Variants in KCNH1 observed in about 807,000 individuals in gnomAD.
KCNH1 encodes the protein voltage-gated delayed rectifier potassium channel KCNH1.
Under a neutral mutation model 69.2 loss-of-function variants are expected in KCNH1, and 27 were observed. The observed-to-expected ratio is 0.39, with a 90% confidence interval of 0.29 to 0.54. The LOEUF is 0.54. Ranked by LOEUF, KCNH1 falls within the 20% of genes least tolerant of loss-of-function variation. The pLI, the probability that KCNH1 is intolerant of heterozygous loss-of-function variation, is 0.68. For missense variants in KCNH1, 798 were observed against 1,261.6 expected, an observed-to-expected ratio of 0.63 and a Z score of 5.57; for synonymous variants, 456 against 487.7, an observed-to-expected ratio of 0.93 and a Z score of 0.86.
chr1:210,791,193 A>G (rs1684204839), intron 9 of KCNH1, among the ~76,000 whole-genome samples: 1 of 152,154 alleles, frequency 6.6e-6, no homozygotes, highest in African/African-American at 2.4e-5. Context: ...TAATGTAATA[A>G]AAGGTCTCCC....
At chr1:210,734,281 A>G (rs1682817839) in intron 10 of KCNH1, among the ~76,000 whole-genome samples, 1 of 152,140 alleles carries the variant, frequency 6.6e-6, no homozygotes, top group Non-Finnish European at 1.5e-5. Context: ...TTCCCTCAAC[A>G]AGTCCCACCT....
intron 10 of KCNH1, among the ~76,000 whole-genome samples, chr1:210,738,404 A>C (rs1452252988): frequency 6.6e-6 from 1 of 152,158 alleles, no homozygotes; most frequent in Non-Finnish European, 1.5e-5. Context: ...AATGTAGCTA[A>C]AGCTGGGCAC....
intron 1 of KCNH1, among the ~76,000 whole-genome samples, chr1:211,114,166 C>T (rs976170768): frequency 3.3e-5 from 5 of 152,074 alleles, no homozygotes; most frequent in African/African-American, 1.2e-4. Context: ...GGACCATTGC[C>T]AGAGACCCAA....
At chr1:211,131,942 T>C (rs1428294175) in intron 1 of KCNH1, among the ~76,000 whole-genome samples, 2 of 152,342 alleles carry the variant, frequency 1.3e-5, no homozygotes, top group East Asian at 3.9e-4. Flanking sequence ...TCTATTCACA[T>C]TCTATGATTA....
chr1:210,747,941 C>A (rs536801885), intron 10 of KCNH1, among the ~76,000 whole-genome samples: 28 of 152,328 alleles, frequency 1.8e-4, no homozygotes, highest in African/African-American at 6.5e-4. Flanking sequence ...TGACAGGGAA[C>A]AAATGAGTAG....
At chr1:211,066,404 G>A (rs984905343) in intron 5 of KCNH1, among the ~76,000 whole-genome samples, 5 of 152,088 alleles carry the variant, frequency 3.3e-5, no homozygotes, top group Non-Finnish European at 4.4e-5. Context: ...TGGAACCCAA[G>A]TCTAAACAAA....
At chr1:211,106,672 G>A (rs917720436) in intron 2 of KCNH1, among the ~76,000 whole-genome samples, 2 of 151,210 alleles carry the variant, frequency 1.3e-5, no homozygotes, top group African/African-American at 4.9e-5. Context: ...GCACGTGCCT[G>A]TAATCCCAGC....
chr1:210,884,565 G>T (rs1686563537), intron 7 of KCNH1, among the ~76,000 whole-genome samples: 1 of 152,180 alleles, frequency 6.6e-6, no homozygotes. Context: ...ATCCTAGAAT[G>T]ATCTTTCCTC....
chr1:210,718,037 G>T (rs12048061), intron 10 of KCNH1, among the ~76,000 whole-genome samples: 25,639 of 151,670 alleles, frequency 0.17, 2,891 homozygotes, highest in African/African-American at 0.32. Flanking sequence ...AACCCAGGAG[G>T]TGGCGGTTGC....
intron 6 of KCNH1, among the ~76,000 whole-genome samples, chr1:210,939,511 T>C (rs956712590): frequency 6.6e-5 from 10 of 152,148 alleles, no homozygotes; most frequent in Middle Eastern, 3.2e-3. Flanking sequence ...TGAGGCAGGA[T>C]TGGCATTTGT....
intron 10 of KCNH1, among the ~76,000 whole-genome samples, chr1:210,710,763 G>A (rs1310128792): frequency 1.6e-5 from 2 of 124,542 alleles, no homozygotes; most frequent in Admixed American, 7.7e-5. Flanking sequence ...TACCACACCC[G>A]CTGCTCTGCA....
In KCNH1 at chr1:210,903,095, C is replaced by T. The variant is rs527367975; in HGVS notation, c.1462+16545G>A. Among the ~76,000 whole-genome samples, 304 of 150,274 alleles carry T rather than the reference C, an allele frequency of 2.0e-3. 2 individuals carry two copies. Among genetic ancestry groups the T allele is most frequent in the African/African-American group, 7.0e-3 (290 of 41,480 alleles). ...ATGCACTGGGTTCTCTGGTCTGCCT[C>T]CATGCCCTGCCATCTCTCTTTTTTT... On this transcript the variant is annotated intron_variant, in intron 7 of 10. Coordinates refer to ENST00000271751, the MANE Select transcript of KCNH1 (RefSeq NM_172362.3).
intron 10 of KCNH1, among the ~76,000 whole-genome samples, chr1:210,688,119 C>T (rs1681445566): frequency 6.6e-6 from 1 of 152,188 alleles, no homozygotes; most frequent in South Asian, 2.1e-4. Flanking sequence ...GCTAATGTGC[C>T]TTACGAATGT....
At chr1:210,970,098 T>C (rs894705230) in intron 6 of KCNH1, among the ~76,000 whole-genome samples, 1 of 151,916 alleles carries the variant, frequency 6.6e-6, no homozygotes, top group Non-Finnish European at 1.5e-5. Flanking sequence ...TTTCTCCTGC[T>C]TTTATTTTTT....
At chr1:210,701,363 A>G (rs1352391910) in intron 10 of KCNH1, among the ~76,000 whole-genome samples, 1 of 152,174 alleles carries the variant, frequency 6.6e-6, no homozygotes, top group South Asian at 2.1e-4. Context: ...CTGAGCCACC[A>G]TGCCTGGCTT....
chr1:210,926,415 G>A (rs773684048), intron 6 of KCNH1, among the ~76,000 whole-genome samples: 7 of 152,142 alleles, frequency 4.6e-5, no homozygotes, highest in Non-Finnish European at 8.8e-5. Context: ...TCCCCAGTAT[G>A]ATCCGGAGCC....
chr1:210,832,903 A>AATATATATATATATATATAT (rs1182447741), intron 7 of KCNH1, among the ~76,000 whole-genome samples: 2 of 39,010 alleles, frequency 5.1e-5, no homozygotes, highest in Admixed American at 2.0e-4. Flanking sequence ...GCATTTCTCA[A>AATATATATATATATATATAT]ATACATATAT....
intron 7 of KCNH1, among the ~76,000 whole-genome samples, chr1:210,842,108 G>C (rs968096946): frequency 3.3e-5 from 5 of 152,070 alleles, no homozygotes; most frequent in Non-Finnish European, 7.4e-5. Context: ...TTGCAAATTT[G>C]GCTTTGTCCC....
chr1:210,905,847 T>A (rs1386382076), intron 7 of KCNH1, among the ~76,000 whole-genome samples: 2 of 152,162 alleles, frequency 1.3e-5, no homozygotes, highest in Non-Finnish European at 2.9e-5. Context: ...TGTGTTACTA[T>A]GATGATGAAG....
Sources: gnomAD v4.1 joint callset for allele counts (sites outside exome capture counted in the v4.1 genomes callset) on GRCh38, gnomAD v4.1.1 for gene constraint, MANE v1.5 for transcripts, NCBI Gene and HGNC (gene_info 2026-07-23, HGNC 2026-07-21) for gene names.